GRIK3: variants seen among roughly 807,000 people sequenced by gnomAD.
GRIK3 encodes the protein glutamate ionotropic receptor kainate type subunit 3, also known as glutamate receptor ionotropic, kainate 3.
A neutral mutation model predicts 102.5 loss-of-function variants in GRIK3; 29 were observed. The observed-to-expected ratio is 0.28, with a 90% CI of 0.21 to 0.39. The LOEUF (loss-of-function observed/expected upper bound fraction) is 0.39, where lower values mean the gene tolerates loss of function less well. Among genes scored for constraint, GRIK3 ranks in the 10% least tolerant of loss-of-function variants. GRIK3 has a pLI of 1.00. For synonymous variants in GRIK3, 511 were observed against 504.9 expected, an observed-to-expected ratio of 1.01 and a Z score of -0.16; for missense variants, 908 against 1,252.4, an observed-to-expected ratio of 0.73 and a Z score of 4.15.
At chr1:36,811,132 G>A (rs1642556891) in intron 13 of GRIK3, among the ~76,000 whole-genome samples, 2 of 152,220 alleles carry the variant, frequency 1.3e-5, no homozygotes, top group Non-Finnish European at 2.9e-5. Context: ...GACAAGGTGT[G>A]TGAAGCGTTT....
At chr1:36,894,298 C>T (rs1337537359) in intron 1 of GRIK3, among the ~76,000 whole-genome samples, 6 of 152,160 alleles carry the variant, frequency 3.9e-5, no homozygotes, top group Non-Finnish European at 8.8e-5. Context: ...TGTGCTTTTG[C>T]GGTTCATCCA....
chr1:36,844,624 C>T (rs912995097), intron 9 of GRIK3, among the ~76,000 whole-genome samples: 4 of 152,190 alleles, frequency 2.6e-5, no homozygotes, highest in Admixed American at 6.5e-5. Flanking sequence ...GCAAAATTTA[C>T]CTCCTTCTGT....
At chr1:36,844,543 G>A (rs969648533) in intron 9 of GRIK3, among the ~76,000 whole-genome samples, 1 of 152,204 alleles carries the variant, frequency 6.6e-6, no homozygotes, top group Non-Finnish European at 1.5e-5. Context: ...CCTGACTTTA[G>A]CTGATGGAAA....
intron 4 of GRIK3, 87 bp from the exon 5 acceptor site, chr1:36,869,888 G>A (rs1387627088): frequency 3.3e-5 from 31 of 949,778 alleles, no homozygotes; most frequent in Non-Finnish European, 5.2e-5. Context: ...AATGGGACTG[G>A]CAGTGGGTTG....
intron 1 of GRIK3, among the ~76,000 whole-genome samples, chr1:37,006,133 T>G (rs2124043722): frequency 6.6e-6 from 1 of 152,280 alleles, no homozygotes; most frequent in South Asian, 2.1e-4. Flanking sequence ...AGCCTCCTCC[T>G]TTTGAAGGCT....
At chr1:36,983,403 A>G (rs1642270482) in intron 1 of GRIK3, among the ~76,000 whole-genome samples, 1 of 152,134 alleles carries the variant, frequency 6.6e-6, no homozygotes, top group South Asian at 2.1e-4. Context: ...ACATGCATGC[A>G]TACCCCTTCT....
intron 13 of GRIK3, among the ~76,000 whole-genome samples, chr1:36,810,079 CCTT>C (rs1231777699): frequency 6.6e-6 from 1 of 152,148 alleles, no homozygotes; most frequent in Non-Finnish European, 1.5e-5. Flanking sequence ...TAAGTGCTGT[CCTT>C]CTGTCCTTGA....
chr1:37,018,632 T>G (rs1175329344), intron 1 of GRIK3, among the ~76,000 whole-genome samples: 1 of 152,106 alleles, frequency 6.6e-6, no homozygotes. Context: ...TGACCCTCCT[T>G]AACTGCAGGC....
chr1:37,009,074 G>GTAATAA (rs67140478), intron 1 of GRIK3, among the ~76,000 whole-genome samples: 3,417 of 149,128 alleles, frequency 0.023, 60 homozygotes, highest in African/African-American at 0.039. Context: ...AAATGGAGAT[G>GTAATAA]TAATAATAAT....
At chr1:36,927,416 C>T (rs564845100) in intron 1 of GRIK3, among the ~76,000 whole-genome samples, 35 of 152,308 alleles carry the variant, frequency 2.3e-4, no homozygotes, top group African/African-American at 7.5e-4. Flanking sequence ...ACTTTATGGG[C>T]TTTTCATTTT....
chr1:36,891,142 G>A, intron 1 of GRIK3, 46 bp from the exon 2 acceptor site: 1 of 1,460,098 alleles, frequency 6.8e-7, no homozygotes, highest in Non-Finnish European at 9.4e-7. Flanking sequence ...GGAGGGATGG[G>A]GCTCTAGCAA....
chr1:36,855,547 T>C (rs1025986543), intron 7 of GRIK3, among the ~76,000 whole-genome samples: 3 of 152,036 alleles, frequency 2.0e-5, no homozygotes, highest in Non-Finnish European at 4.4e-5. Flanking sequence ...AAAACCAAAG[T>C]GGTTAGAAAG....
At chr1:36,808,072 C>T (rs778926664) in intron 13 of GRIK3, among the ~76,000 whole-genome samples, 1 of 152,274 alleles carries the variant, frequency 6.6e-6, no homozygotes, top group Non-Finnish European at 1.5e-5. Context: ...TATTCTTCCA[C>T]CTCAGTGCTT....
chr1:36,807,028 G>C (rs942026174), intron 13 of GRIK3, among the ~76,000 whole-genome samples: 1 of 152,128 alleles, frequency 6.6e-6, no homozygotes, highest in Non-Finnish European at 1.5e-5. Flanking sequence ...CTTCATTACT[G>C]TGAGGAAGGA....
At chr1:36,913,145 G>A (rs1036517689) in intron 1 of GRIK3, among the ~76,000 whole-genome samples, 2 of 152,170 alleles carry the variant, frequency 1.3e-5, no homozygotes, top group Admixed American at 6.5e-5. Flanking sequence ...GCACAGAGAG[G>A]GCCTGGCTCT....
intron 2 of GRIK3, among the ~76,000 whole-genome samples, chr1:36,887,468 G>A (rs1364609600): frequency 2.6e-5 from 4 of 152,080 alleles, no homozygotes; most frequent in African/African-American, 9.7e-5. Context: ...TATAAATCAA[G>A]AATATAGGCG....
At chr1:36,870,544 C>G (rs558828831) in intron 4 of GRIK3, among the ~76,000 whole-genome samples, 1 of 152,344 alleles carries the variant, frequency 6.6e-6, no homozygotes, top group African/African-American at 2.4e-5. Context: ...CAAATGCTGC[C>G]CATTCCCTCC....
At chr1:36,926,493 C>G (rs973020663) in intron 1 of GRIK3, among the ~76,000 whole-genome samples, 4 of 151,768 alleles carry the variant, frequency 2.6e-5, no homozygotes, top group African/African-American at 9.7e-5. Context: ...CGGGTTCAAG[C>G]GATTCTTCTG....
chr1:36,869,901 G>A, intron 4 of GRIK3, 100 bp from the exon 5 acceptor site: 3 of 822,898 alleles, frequency 3.6e-6, no homozygotes, highest in Non-Finnish European at 6.4e-6. Context: ...GTGGGTTGGG[G>A]AAGGCTGGCT....
Sources: gnomAD v4.1 joint callset for allele counts (sites outside exome capture counted in the v4.1 genomes callset) on GRCh38, gnomAD v4.1.1 for gene constraint, MANE v1.5 for transcripts, NCBI Gene and HGNC (gene_info 2026-07-23, HGNC 2026-07-21) for gene names.